RBFOX2: variants seen among roughly 807,000 people sequenced by gnomAD.
RBFOX2 encodes RNA binding fox-1 homolog 2, also known as RNA binding protein fox-1 homolog 2.
A neutral mutation model predicts 49.1 loss-of-function variants in RBFOX2; 10 were observed. That is an observed-to-expected ratio of 0.20 (90% CI 0.13 to 0.35). RBFOX2 has a LOEUF of 0.35. Among genes scored for constraint, RBFOX2 ranks in the 10% least tolerant of loss-of-function variants. The pLI is 1.00. For missense variants in RBFOX2, 323 were observed against 486.9 expected (o/e 0.66, Z 3.17); for synonymous variants, 183 against 187.4 (o/e 0.98, Z 0.19).
chr22:35,906,446 C>T lies in RBFOX2; in HGVS notation c.-34+32401G>A, dbSNP rs557281025. ...AATGACTTACCCAGGCTTCAAAAAA[C>T]AAAAGAAAAAAAATCACACTTTTTC... On this transcript the variant is annotated intron_variant, in intron 1 of 13. Transcript: ENST00000359369. Among the ~76,000 whole-genome samples, 3 of 152,126 alleles carry T rather than the reference C, an allele frequency of 2.0e-5. No individual in the cohort carries two copies. In the East Asian group the frequency reaches 5.8e-4, roughly 29 times the overall value.
intron 10 of RBFOX2, 129 bp from the exon 13 acceptor site, chr22:35,746,124 A>G: frequency 1.2e-6 from 1 of 829,750 alleles, no homozygotes; most frequent in Non-Finnish European, 1.9e-6. Context: ...TGGAATTACA[A>G]GGAATAGGAA....
intron 1 of RBFOX2, chr22:35,994,824 A>C (rs1473357617): frequency 3.3e-5 from 5 of 152,244 alleles, no homozygotes; most frequent in Admixed American, 3.3e-4. Context: ...GAGCCACTGC[A>C]CCCGGCCTGA....
In RBFOX2 at chr22:36,003,826, A is replaced by C. The variant is rs535300977; in HGVS notation, c.186+24414T>G. On this transcript the variant is annotated intron_variant, in intron 1 of 13. Transcript: ENST00000438146. ...TAAATGGATGTGCAGAGTTCTACAA[A>C]GCAGAGTAGAAGGGGAGAGAAACAG... is the stretch of plus-strand genomic sequence containing the variant. 3.3e-5 allele frequency among the ~76,000 whole-genome samples: 5 copies of C among 152,374 alleles called. No individual in the cohort carries two copies. In the South Asian group the frequency reaches 1.0e-3, roughly 32 times the overall value.
intron 1 of RBFOX2, among the ~76,000 whole-genome samples, chr22:35,856,427 C>T (rs1359597909): frequency 6.6e-6 from 1 of 152,178 alleles, no homozygotes; most frequent in Non-Finnish European, 1.5e-5. Flanking sequence ...GCCCATGCCA[C>T]AATCCTGCCA....
At chr22:35,938,333 G>C (rs1342547422) in intron 1 of RBFOX2, among the ~76,000 whole-genome samples, 1 of 152,160 alleles carries the variant, frequency 6.6e-6, no homozygotes, top group Non-Finnish European at 1.5e-5. Context: ...TAGGGCCTGG[G>C]CTTTTCCAGT....
At chr22:35,819,819 G>A (rs1295500345) in intron 1 of RBFOX2, among the ~76,000 whole-genome samples, 3 of 152,186 alleles carry the variant, frequency 2.0e-5, no homozygotes, top group Non-Finnish European at 4.4e-5. Context: ...AAAATAAGAG[G>A]AGGGTATCGG....
At chr22:35,757,223 TAAA>T (rs757386488) in intron 9 of RBFOX2, among the ~76,000 whole-genome samples, 2 of 131,958 alleles carry the variant, frequency 1.5e-5, no homozygotes, top group South Asian at 2.5e-4. Context: ...TGCATGACTT[TAAA>T]AAAAAAAAAA....
intron 1 of RBFOX2, among the ~76,000 whole-genome samples, chr22:35,889,084 G>A (rs2046944077): frequency 2.0e-5 from 3 of 152,248 alleles, no homozygotes; most frequent in Non-Finnish European, 2.9e-5. Flanking sequence ...GAATGCAGGA[G>A]GCGAAGGGTG....
intron 1 of RBFOX2, among the ~76,000 whole-genome samples, chr22:35,858,157 T>C (rs985149376): frequency 4.6e-5 from 7 of 152,240 alleles, no homozygotes; most frequent in African/African-American, 1.7e-4. Context: ...TGCCTGCATA[T>C]AAATTTTAAC....
chr22:35,907,605 A>G (rs984193341), intron 1 of RBFOX2, among the ~76,000 whole-genome samples: 1 of 152,128 alleles, frequency 6.6e-6, no homozygotes, highest in Non-Finnish European at 1.5e-5. Flanking sequence ...CTTAATCCTA[A>G]ATGTTTTCAA....
chr22:36,026,568 ACAC>A (rs1353975555), intron 1 of RBFOX2, among the ~76,000 whole-genome samples: 1 of 151,884 alleles, frequency 6.6e-6, no homozygotes, highest in Non-Finnish European at 1.5e-5. Flanking sequence ...ACACACACAC[ACAC>A]ACCAAGTAGA....
intron 1 of RBFOX2, among the ~76,000 whole-genome samples, chr22:36,021,220 G>A (rs982947866): frequency 3.3e-5 from 4 of 120,904 alleles, no homozygotes; most frequent in African/African-American, 1.3e-4. Flanking sequence ...CACAGGGTGG[G>A]GAACATCACA....
At chr22:35,885,576 T>C (rs2046451530) in intron 1 of RBFOX2, among the ~76,000 whole-genome samples, 1 of 152,120 alleles carries the variant, frequency 6.6e-6, no homozygotes, top group African/African-American at 2.4e-5. Flanking sequence ...AGTTTTCTGA[T>C]TTTCATGGAT....
intron 1 of RBFOX2, among the ~76,000 whole-genome samples, chr22:36,020,061 G>A (rs1285903941): frequency 1.3e-5 from 2 of 152,082 alleles, no homozygotes; most frequent in Non-Finnish European, 2.9e-5. Context: ...ATAGACCAAT[G>A]GAACAGAACA....
At chr22:35,913,872 A>C (rs2050110473) in intron 1 of RBFOX2, among the ~76,000 whole-genome samples, 1 of 152,186 alleles carries the variant, frequency 6.6e-6, no homozygotes, top group African/African-American at 2.4e-5. Flanking sequence ...AGGGGTGGGC[A>C]GAGCTGGCTA....
intron 1 of RBFOX2, among the ~76,000 whole-genome samples, chr22:36,007,795 T>C (rs2058672458): frequency 6.6e-6 from 1 of 152,066 alleles, no homozygotes; most frequent in African/African-American, 2.4e-5. Context: ...TGTACTTTGA[T>C]TTTCACAATT....
rs575548777 is a variant in RBFOX2 at position 36,002,333 on chromosome 22, G to T, written c.186+25907C>A. 1.2e-4 allele frequency among the ~76,000 whole-genome samples: 18 copies of T among 152,140 alleles called. 1 individual carries two copies. The South Asian group carries it at 3.5e-3, about 30-fold the overall frequency. ...CATTGTTTCAAATAGCAAAAGACTG[G>T]AAACGACCTAAATGTCGAGCAATAG... On this transcript the variant is annotated intron_variant, in intron 1 of 13. Coordinates refer to the RBFOX2 transcript ENST00000438146.
At chr22:35,922,476 G>A (rs2051141356) in intron 1 of RBFOX2, among the ~76,000 whole-genome samples, 1 of 151,996 alleles carries the variant, frequency 6.6e-6, no homozygotes, top group South Asian at 2.1e-4. Context: ...GAAGGCTGAG[G>A]CAGAAGAATT....
intron 1 of RBFOX2, among the ~76,000 whole-genome samples, chr22:35,882,985 T>C (rs2046114745): frequency 6.6e-6 from 1 of 152,042 alleles, no homozygotes; most frequent in Non-Finnish European, 1.5e-5. Flanking sequence ...GGCAGGAAAT[T>C]GGGGGGCACA....
Sources: allele counts gnomAD v4.1 joint callset (sites outside exome capture counted in the v4.1 genomes callset), GRCh38; gene constraint gnomAD v4.1.1; transcripts MANE v1.5; gene names NCBI Gene and HGNC (gene_info 2026-07-23, HGNC 2026-07-21).